Variants in SESN1 observed in about 807,000 individuals in gnomAD.
SESN1 encodes sestrin 1.
SESN1 carries 30 observed loss-of-function variants against 59.3 expected under a neutral mutation model. The ratio of observed to expected loss-of-function variants is 0.51; its 90% CI spans 0.38 to 0.69. The LOEUF (loss-of-function observed/expected upper bound fraction) is 0.69, where lower values mean the gene tolerates loss of function less well. Ranked by LOEUF, SESN1 falls within the 30% of genes least tolerant of loss-of-function variation. The pLI is 0.00. For missense variants in SESN1, 566 were observed against 673.0 expected, an observed-to-expected ratio of 0.84 and a Z score of 1.76; for synonymous variants, 197 against 219.9, an observed-to-expected ratio of 0.90 and a Z score of 0.92.
At chr6:109,008,674 GT>G (rs1414515389) in intron 1 of SESN1, 3 of 601,660 alleles carry the variant, frequency 5.0e-6, no homozygotes, top group Non-Finnish European at 6.3e-6. Context: ...TTTACCTAAG[GT>G]TACATTAGTA....
rs576791907 is a variant in SESN1, at chr6:108,989,536, T to C, written c.1425-849A>G. 4.8e-5 allele frequency among the ~76,000 whole-genome samples: 5 copies of C among 103,874 alleles called. No individual in the cohort carries two copies. In the South Asian group the frequency reaches 1.4e-3, roughly 28 times the overall value. 68.1% of individuals were successfully genotyped at this position (103,874 alleles called of 152,430 possible). A position where few individuals can be genotyped will look rare whatever the true frequency, so the allele number is the denominator to read the frequency against. On this transcript the variant is annotated intron_variant, in intron 8 of 9. Coordinates refer to ENST00000436639, the MANE Select transcript of SESN1 (RefSeq NM_014454.3). ...ATATATAGAGAGATATCTATAGAGA[T>C]AGAGATATCTCTAGATCTAGATCTC...
chr6:109,056,751 G>A (rs1780639428), intron 1 of SESN1, among the ~76,000 whole-genome samples: 2 of 152,188 alleles, frequency 1.3e-5, no homozygotes, highest in Admixed American at 6.5e-5. Flanking sequence ...ATGTGTAGGA[G>A]GCAGCTTACA....
intron 1 of SESN1, among the ~76,000 whole-genome samples, chr6:109,080,900 G>GC (rs2114475282): frequency 6.6e-6 from 1 of 152,138 alleles, no homozygotes; most frequent in African/African-American, 2.4e-5. Context: ...ACTATTTCAT[G>GC]CACAAAATTA....
intron 1 of SESN1, among the ~76,000 whole-genome samples, chr6:109,078,284 A>T (rs922913598): frequency 6.6e-6 from 1 of 152,136 alleles, no homozygotes; most frequent in Non-Finnish European, 1.5e-5. Context: ...TAAGAGGCTG[A>T]GGTGGGAGGA....
intron 1 of SESN1, chr6:109,059,538 T>A (rs1583290927): frequency 6.6e-6 from 1 of 152,214 alleles, no homozygotes; most frequent in Non-Finnish European, 1.5e-5. Context: ...CAAATTTGCA[T>A]GTCATTCTTG....
intron 1 of SESN1, among the ~76,000 whole-genome samples, chr6:109,007,707 T>C (rs1232778786): frequency 6.6e-6 from 1 of 150,708 alleles, no homozygotes; most frequent in Admixed American, 6.6e-5. Flanking sequence ...ATGCCTACTA[T>C]AGCAAAATGT....
At chr6:109,066,275 A>G (rs939331749) in intron 1 of SESN1, among the ~76,000 whole-genome samples, 13 of 151,176 alleles carry the variant, frequency 8.6e-5, no homozygotes, top group Non-Finnish European at 1.9e-4. Context: ...GCAAAACATA[A>G]GCTTGCTTAT....
chr6:109,064,247 T>C (rs188387141), intron 1 of SESN1, among the ~76,000 whole-genome samples: 1 of 152,152 alleles, frequency 6.6e-6, no homozygotes, highest in Admixed American at 6.5e-5. Flanking sequence ...TATACCCTTA[T>C]GTTCCTGATT....
chr6:109,081,385 T>A (rs536314752), intron 1 of SESN1, among the ~76,000 whole-genome samples: 109 of 152,330 alleles, frequency 7.2e-4, no homozygotes, highest in Admixed American at 7.1e-3. Context: ...GCATTTTGGA[T>A]AAGACATATT....
Position 108,988,691 on chromosome 6 carries a change from T to C in SESN1, c.1425-4A>G. 6.3e-7 allele frequency: 1 copy of C among 1,593,420 alleles called. No individual in the cohort carries two copies. Among genetic ancestry groups the C allele is most frequent in the East Asian group, 2.2e-5 (1 of 44,630 alleles). On this transcript the variant is annotated splice_polypyrimidine_tract_variant and splice_region_variant and intron_variant, in intron 8 of 9. Transcript: ENST00000436639. ...ACCATAGTCATAATCATCATATCTGTTGAAAGACATAATGAGAATTATGAT... is the reference window on the plus strand; with the variant it reads ...ACCATAGTCATAATCATCATATCTGCTGAAAGACATAATGAGAATTATGAT...
At chr6:109,055,411 C>G (rs1001611187) in intron 1 of SESN1, among the ~76,000 whole-genome samples, 21 of 151,750 alleles carry the variant, frequency 1.4e-4, no homozygotes, top group Non-Finnish European at 2.2e-4. Flanking sequence ...GCCTGTAATC[C>G]CAGCCCTTTG....
chr6:109,067,221 G>A (rs1780844379), intron 1 of SESN1, among the ~76,000 whole-genome samples: 1 of 152,058 alleles, frequency 6.6e-6, no homozygotes, highest in South Asian at 2.1e-4. Context: ...CCTATCTGTA[G>A]GTCTCCAGTC....
chr6:109,026,197 T>C (rs1322347092), intron 1 of SESN1, among the ~76,000 whole-genome samples: 1 of 152,162 alleles, frequency 6.6e-6, no homozygotes, highest in Non-Finnish European at 1.5e-5. Flanking sequence ...AAACTATCTT[T>C]CATAAAGTGA....
intron 1 of SESN1, among the ~76,000 whole-genome samples, chr6:109,036,098 T>C (rs1290400265): frequency 6.6e-6 from 1 of 152,124 alleles, no homozygotes; most frequent in Non-Finnish European, 1.5e-5. Flanking sequence ...TTCTAGCCTC[T>C]TATTAGGACC....
At chr6:109,009,871 T>G (rs1256143336) in intron 1 of SESN1, among the ~76,000 whole-genome samples, 1 of 152,074 alleles carries the variant, frequency 6.6e-6, no homozygotes, top group Admixed American at 6.5e-5. Flanking sequence ...CCTACACCCC[T>G]GCTCGGCCAT....
At chr6:109,053,612 G>A (rs1030434102) in intron 1 of SESN1, among the ~76,000 whole-genome samples, 1 of 152,190 alleles carries the variant, frequency 6.6e-6, no homozygotes, top group African/African-American at 2.4e-5. Flanking sequence ...ACTGGGAGAT[G>A]AGGCTGGGCC....
At chr6:109,027,717 C>T (rs912006786) in intron 1 of SESN1, among the ~76,000 whole-genome samples, 1 of 152,108 alleles carries the variant, frequency 6.6e-6, no homozygotes, top group Non-Finnish European at 1.5e-5. Context: ...TCCTGCAATG[C>T]ACAGGACAGC....
chr6:108,997,413 TAACATG>T (rs763839500), intron 5 of SESN1, among the ~76,000 whole-genome samples: 35 of 152,344 alleles, frequency 2.3e-4, no homozygotes, highest in Non-Finnish European at 4.3e-4. Flanking sequence ...TGCAGGCCTA[TAACATG>T]AATCTAGGCA....
At chr6:109,026,153 G>A (rs1460367115) in intron 1 of SESN1, among the ~76,000 whole-genome samples, 1 of 152,084 alleles carries the variant, frequency 6.6e-6, no homozygotes, top group Non-Finnish European at 1.5e-5. Context: ...AATATTGAGA[G>A]AAAATATCAT....
Sources: allele counts gnomAD v4.1 joint callset (sites outside exome capture counted in the v4.1 genomes callset), GRCh38; gene constraint gnomAD v4.1.1; transcripts MANE v1.5; gene names NCBI Gene and HGNC (gene_info 2026-07-23, HGNC 2026-07-21).